The following DCDC1 variants were observed in gnomAD, a reference collection of about 807,000 sequenced individuals.
DCDC1 encodes doublecortin domain containing 1, also known as doublecortin domain-containing protein 1.
In DCDC1, 200 loss-of-function variants were observed where a neutral mutation model predicts 178.3. The ratio of observed to expected loss-of-function variants is 1.12; its 90% CI spans 1.00 to 1.26. The LOEUF (loss-of-function observed/expected upper bound fraction) is 1.26. Ranked by LOEUF, DCDC1 falls within the 50% of genes most tolerant of loss-of-function variation. The pLI is 0.00. For missense variants in DCDC1, 1,983 were observed against 1,749.2 expected (o/e 1.13, Z -2.38); for synonymous variants, 690 against 604.8 (o/e 1.14, Z -2.07).
At chr11:31,337,320 T>TG (rs1290391822) in intron 1 of DCDC1, among the ~76,000 whole-genome samples, 3 of 152,326 alleles carry the variant, frequency 2.0e-5, no homozygotes, top group African/African-American at 7.2e-5. Context: ...TCTACAGTGA[T>TG]TGCTACATAA....
At chr11:31,172,429 T>A (rs1371461503) in intron 9 of DCDC1, among the ~76,000 whole-genome samples, 1 of 152,150 alleles carries the variant, frequency 6.6e-6, no homozygotes, top group Non-Finnish European at 1.5e-5. Flanking sequence ...CCATCTCTAT[T>A]ATTGTCTATT....
chr11:31,326,917 T>C (rs949818368), intron 3 of DCDC1, among the ~76,000 whole-genome samples: 1 of 152,182 alleles, frequency 6.6e-6, no homozygotes, highest in African/African-American at 2.4e-5. Context: ...TATCAATGTA[T>C]GACAAATATC....
intron 38 of DCDC1, among the ~76,000 whole-genome samples, chr11:30,876,165 T>C (rs1942096458): frequency 6.6e-6 from 1 of 152,212 alleles, no homozygotes; most frequent in Non-Finnish European, 1.5e-5. Context: ...GGATGGTTGC[T>C]TTAGTATTTA....
intron 20 of DCDC1, among the ~76,000 whole-genome samples, chr11:31,036,745 C>CT (rs1487698425): frequency 2.6e-5 from 4 of 152,168 alleles, no homozygotes; most frequent in Non-Finnish European, 2.9e-5. Context: ...GTTAAACCCA[C>CT]TGATGCAGAA....
At chr11:31,246,659 G>A (rs1943589410) in intron 8 of DCDC1, among the ~76,000 whole-genome samples, 2 of 151,952 alleles carry the variant, frequency 1.3e-5, no homozygotes, top group South Asian at 4.1e-4. Context: ...GAAAGCTCCT[G>A]GTCCCACAGC....
chr11:31,198,240 G>C (rs1327362755), intron 9 of DCDC1, among the ~76,000 whole-genome samples: 1 of 151,936 alleles, frequency 6.6e-6, no homozygotes, highest in South Asian at 2.1e-4. Flanking sequence ...ATTTTAGCTA[G>C]TGTTTCATTA....
intron 37 of DCDC1, among the ~76,000 whole-genome samples, chr11:30,880,712 G>C (rs1942583343): frequency 6.6e-6 from 1 of 151,970 alleles, no homozygotes; most frequent in Non-Finnish European, 1.5e-5. Flanking sequence ...ATTTATCAAA[G>C]AAAATGACCA....
chr11:31,220,835 G>A (rs1186867971), intron 9 of DCDC1, among the ~76,000 whole-genome samples: 1 of 152,148 alleles, frequency 6.6e-6, no homozygotes, highest in Non-Finnish European at 1.5e-5. Context: ...CAGAGTGCGA[G>A]TATGGTCAAG....
intron 20 of DCDC1, among the ~76,000 whole-genome samples, chr11:30,963,593 T>C (rs1216168467): frequency 6.6e-6 from 1 of 152,022 alleles, no homozygotes; most frequent in African/African-American, 2.4e-5. Flanking sequence ...TAGTCCCTCT[T>C]CTCCATCCCA....
intron 7 of DCDC1, among the ~76,000 whole-genome samples, chr11:31,279,701 A>G: frequency 6.6e-6 from 1 of 152,108 alleles, no homozygotes; most frequent in Non-Finnish European, 1.5e-5. Flanking sequence ...ACACATGGAC[A>G]CAGGGAGGGG....
intron 1 of DCDC1, among the ~76,000 whole-genome samples, chr11:31,338,053 A>C (rs1950359330): frequency 6.6e-6 from 1 of 152,184 alleles, no homozygotes. Context: ...CATTGACCAC[A>C]TCAGATGTGG....
intron 9 of DCDC1, among the ~76,000 whole-genome samples, chr11:31,153,935 T>C (rs1028745541): frequency 6.6e-6 from 1 of 152,096 alleles, no homozygotes; most frequent in Non-Finnish European, 1.5e-5. Context: ...ATAATATGGT[T>C]TGGCTCTGTG....
intron 36 of DCDC1, among the ~76,000 whole-genome samples, chr11:30,888,248 C>A (rs1023926878): frequency 6.6e-6 from 1 of 152,116 alleles, no homozygotes; most frequent in Non-Finnish European, 1.5e-5. Context: ...GGCCTACCTA[C>A]GCATCTTGTA....
At chr11:31,020,608 T>G (rs1952805925) in intron 20 of DCDC1, among the ~76,000 whole-genome samples, 1 of 152,124 alleles carries the variant, frequency 6.6e-6, no homozygotes, top group African/African-American at 2.4e-5. Flanking sequence ...TTTTTAAAAT[T>G]TTATAAATAG....
At chr11:31,071,644 T>C (rs1055838750) in intron 18 of DCDC1, among the ~76,000 whole-genome samples, 1 of 152,170 alleles carries the variant, frequency 6.6e-6, no homozygotes. Flanking sequence ...GAGTATTCAG[T>C]CACATCATGG....
intron 15 of DCDC1, among the ~76,000 whole-genome samples, chr11:31,095,658 G>C (rs1958105104): frequency 6.6e-6 from 1 of 152,066 alleles, no homozygotes; most frequent in Admixed American, 6.5e-5. Context: ...GGTACTGAAG[G>C]GGGAGACATT....
At chr11:30,926,515 A>G (rs139272302) in intron 22 of DCDC1, among the ~76,000 whole-genome samples, 11 of 152,288 alleles carry the variant, frequency 7.2e-5, no homozygotes, top group Non-Finnish European at 1.0e-4. Flanking sequence ...ACAGATGTAA[A>G]TAGATGGAAT....
At chr11:31,094,224 C>A (rs1470452645) in intron 15 of DCDC1, 40 bp from the exon 16 acceptor site, 6 of 762,502 alleles carry the variant, frequency 7.9e-6, no homozygotes, top group South Asian at 1.3e-5. Context: ...AACTCATAGT[C>A]TAAGAGTTAA....
In DCDC1 at chr11:31,328,120, G is replaced by C; in HGVS notation, c.161C>G (p.Pro54Arg). The C allele has an allele frequency of 6.3e-7, 1 of 1,596,762 alleles. No homozygotes were observed. The highest frequency in any genetic ancestry group is 8.6e-7 in the Non-Finnish European group (1 of 1,168,460). ...PIYKYILNDL[P>R]REFMSSQAKA... ...GCTGCTGAAATAATGTTCTTACCTTGGTAAATCATTCAAAATATATTTGTA... is the reference window on the plus strand; with the variant it reads ...GCTGCTGAAATAATGTTCTTACCTTCGTAAATCATTCAAAATATATTTGTA... Residue 54 changes from proline to arginine, a missense_variant, in exon 3 of 39, where the codon CCA becomes CGA. By Grantham distance (103) the Pro-to-Arg change is moderately radical. Transcript: ENST00000684477.
Sources: allele counts gnomAD v4.1 joint callset (sites outside exome capture counted in the v4.1 genomes callset), GRCh38; gene constraint gnomAD v4.1.1; transcripts MANE v1.5; gene names NCBI Gene and HGNC (gene_info 2026-07-23, HGNC 2026-07-21).